GLS: variants seen among roughly 807,000 people sequenced by gnomAD.
The protein encoded by GLS is glutaminase, also known as glutaminase kidney isoform, mitochondrial.
GLS carries 36 observed loss-of-function variants against 86.7 expected under a neutral mutation model. The observed-to-expected ratio is 0.42, with a 90% CI of 0.32 to 0.55. GLS has a LOEUF of 0.55. Ranked by LOEUF, GLS falls within the 20% of genes least tolerant of loss-of-function variation. The pLI is 0.17. For synonymous variants in GLS, 317 were observed against 305.9 expected (o/e 1.04, Z -0.38); for missense variants, 528 against 833.4 (o/e 0.63, Z 4.51).
intron 11 of GLS, 149 bp from the exon 12 acceptor site, chr2:190,927,157 T>C (rs1290310486): frequency 3.0e-6 from 2 of 670,288 alleles, no homozygotes; most frequent in Non-Finnish European, 4.7e-6. Context: ...TCAACTAAAA[T>C]CTTCAGAATG....
chr2:190,934,961 A>G (rs971979591), intron 14 of GLS: 4 of 969,020 alleles, frequency 4.1e-6, no homozygotes, highest in Non-Finnish European at 4.9e-6. Context: ...AGTATTCTTA[A>G]CACCTTTTTA....
At chr2:190,942,915 G>A (rs965660713) in intron 14 of GLS, among the ~76,000 whole-genome samples, 3 of 152,166 alleles carry the variant, frequency 2.0e-5, no homozygotes, top group Admixed American at 6.5e-5. Flanking sequence ...TAGAAATCAC[G>A]CCTATCAACT....
At chr2:190,883,441 C>T (rs1014108510) in intron 1 of GLS, among the ~76,000 whole-genome samples, 4 of 152,296 alleles carry the variant, frequency 2.6e-5, no homozygotes, top group Admixed American at 2.6e-4. Flanking sequence ...CTAGCACTCA[C>T]TCAGGACTGT....
At chr2:190,900,385 A>AACT (rs1688897068) in intron 3 of GLS, among the ~76,000 whole-genome samples, 179 bp from the exon 4 acceptor site, 1 of 152,208 alleles carries the variant, frequency 6.6e-6, no homozygotes, top group Non-Finnish European at 1.5e-5. Context: ...GCTTACAAGC[A>AACT]ACTACTTGAA....
At chr2:190,901,550 A>G (rs1366903986) in intron 4 of GLS, among the ~76,000 whole-genome samples, 1 of 152,022 alleles carries the variant, frequency 6.6e-6, no homozygotes, top group East Asian at 1.9e-4. Flanking sequence ...AATACTTACT[A>G]CTTACTTTTA....
rs978343512 is a variant in GLS at position 190,943,984 on chromosome 2, G to A, written c.1651-9581G>A. 3.9e-5 allele frequency among the ~76,000 whole-genome samples: 6 copies of A among 152,148 alleles called. No individual in the cohort carries two copies. The highest frequency in any genetic ancestry group is 5.9e-5 in the Non-Finnish European group (4 of 68,020). Reference sequence around the variant, plus strand: ...AACTCAAGTCCATGTGCCTGGCTTTGTTATAGTAGCAGGATTTGAGGCATG... The same window carrying A: ...AACTCAAGTCCATGTGCCTGGCTTTATTATAGTAGCAGGATTTGAGGCATG... On this transcript the variant is annotated intron_variant, in intron 14 of 17. Transcript: ENST00000320717. This position sits in a 1 kb window ranked among gnomAD's most constrained non-coding sequence, Gnocchi z 4.5.
chr2:190,963,065 C>A lies in GLS; in HGVS notation c.*79C>A. ...TTATGAAGAACATGTGTATTTCTAT[C>A]TGGTAGTGATGTATATTTTACATTT... On this transcript the variant is annotated 3_prime_UTR_variant, in exon 18 of 18. Transcript: ENST00000320717. 1 of 1,009,752 alleles carries A rather than the reference C, an allele frequency of 9.9e-7. No homozygotes were observed. The highest frequency in any genetic ancestry group is 1.5e-6 in the Non-Finnish European group (1 of 686,940). The allele number at this position is 1,009,752 out of a possible 1,614,324, so 62.5% of individuals were successfully genotyped here.
Position 190,924,634 on chromosome 2 carries a change from C to T in GLS, c.1248+41C>T, listed in dbSNP as rs1035314668. On this transcript the variant is annotated intron_variant, in intron 11 of 17. Coordinates refer to ENST00000320717, the MANE Select transcript of GLS (RefSeq NM_014905.5). The surrounding 1 kb of genome is among the most constrained non-coding windows in gnomAD (Gnocchi z 5.2). ...AAATCGTATATATAAATGGATGTGTCGGCTGGGCACGGTGGCTCACGCCTG... is the reference window on the plus strand; with the variant it reads ...AAATCGTATATATAAATGGATGTGTTGGCTGGGCACGGTGGCTCACGCCTG... The T allele has an allele frequency of 2.7e-5, 29 of 1,089,268 alleles. No individual in the cohort carries two copies. Among genetic ancestry groups the T allele is most frequent in the African/African-American group, 6.2e-5 (4 of 64,984 alleles). 67.5% of individuals were successfully genotyped at this position (1,089,268 alleles called of 1,614,324 possible).
chr2:190,930,315 C>T lies in GLS; in HGVS notation c.1426-122C>T. On this transcript the variant is annotated intron_variant, in intron 12 of 17. Coordinates refer to ENST00000320717, the MANE Select transcript of GLS (RefSeq NM_014905.5). The surrounding 1 kb of genome is among the most constrained non-coding windows in gnomAD (Gnocchi z 5.0). ...TCAAGTGATCTGCTTGCCTTGGCCTCCCAAAGTGCTGAGATTACAGGAGTG... is the reference window on the plus strand; with the variant it reads ...TCAAGTGATCTGCTTGCCTTGGCCTTCCAAAGTGCTGAGATTACAGGAGTG... The T allele has an allele frequency of 1.4e-6, 1 of 711,730 alleles. No individual in the cohort carries two copies. Among genetic ancestry groups the T allele is most frequent in the Non-Finnish European group, 2.4e-6 (1 of 417,674 alleles). The allele number at this position is 711,730 out of a possible 1,614,324, so 44.1% of individuals were successfully genotyped here. A position where few individuals can be genotyped will look rare whatever the true frequency, so the allele number is the denominator to read the frequency against.
chr2:190,918,522 A>G (rs1166312689), intron 7 of GLS, among the ~76,000 whole-genome samples: 1 of 151,862 alleles, frequency 6.6e-6, no homozygotes, highest in East Asian at 1.9e-4. Context: ...TTTTATCTAG[A>G]CCACACAAAT....
At position 190,951,094 on chromosome 2, in the gene GLS, G is replaced by A. The variant is rs1210775482; in HGVS notation, c.1651-2471G>A. 2.0e-5 allele frequency among the ~76,000 whole-genome samples: 3 copies of A among 152,138 alleles called. No homozygotes were observed. The highest frequency in any genetic ancestry group is 7.2e-5 in the African/African-American group (3 of 41,424). On this transcript the variant is annotated intron_variant, in intron 14 of 17. Coordinates refer to ENST00000320717, the MANE Select transcript of GLS (RefSeq NM_014905.5). The surrounding 1 kb of genome is among the most constrained non-coding windows in gnomAD (Gnocchi z 4.2). ...CCAGAGGAATAGATGAATTCTTTGA[G>A]GGACATTATATTGAAAAACAAGAAG...
At chr2:190,936,354 T>C (rs535462638) in intron 14 of GLS, among the ~76,000 whole-genome samples, 1 of 151,304 alleles carries the variant, frequency 6.6e-6, no homozygotes, top group African/African-American at 2.4e-5. Context: ...CATATGTATA[T>C]ACGTTTGTGC....
chr2:190,882,754 A>T (rs1688246229), intron 1 of GLS, among the ~76,000 whole-genome samples: 1 of 152,238 alleles, frequency 6.6e-6, no homozygotes, highest in Non-Finnish European at 1.5e-5. Flanking sequence ...GTTTTGTGCC[A>T]CAAAATAGCG....
In GLS at chr2:190,943,617, A is replaced by G. The variant is rs1042767536; in HGVS notation, c.1651-9948A>G. ...TTCTAAATTTTTTTTAGATAGAACAATTGCTTTATTTTTTAGTGTCTTAAA... is the reference window on the plus strand; with the variant it reads ...TTCTAAATTTTTTTTAGATAGAACAGTTGCTTTATTTTTTAGTGTCTTAAA... On this transcript the variant is annotated intron_variant, in intron 14 of 17. Coordinates refer to ENST00000320717, the MANE Select transcript of GLS (RefSeq NM_014905.5). The surrounding 1 kb of genome is among the most constrained non-coding windows in gnomAD (Gnocchi z 4.5). Among the ~76,000 whole-genome samples, 18 of 152,186 alleles carry G rather than the reference A, an allele frequency of 1.2e-4. No homozygotes were observed. Among genetic ancestry groups the G allele is most frequent in the Non-Finnish European group, 1.5e-5 (1 of 68,012 alleles).
intron 1 of GLS, among the ~76,000 whole-genome samples, chr2:190,884,284 C>T (rs1285360381): frequency 6.6e-6 from 1 of 152,150 alleles, no homozygotes; most frequent in East Asian, 1.9e-4. Context: ...AATACTTCAC[C>T]TCTTAATCCA....
At position 190,923,904 on chromosome 2, in the gene GLS, TTTC is replaced by T. The variant is rs775465614; in HGVS notation, c.1131-6_1131-4del. The T allele has an allele frequency of 5.9e-5, 90 of 1,527,264 alleles. No homozygotes were observed. Among genetic ancestry groups the T allele is most frequent in the African/African-American group, 9.6e-5 (7 of 72,626 alleles). The allele number at this position is 1,527,264 out of a possible 1,614,324, so 94.6% of individuals were successfully genotyped here. On this transcript the variant is annotated splice_polypyrimidine_tract_variant and intron_variant, in intron 9 of 17. Coordinates refer to ENST00000320717, the MANE Select transcript of GLS (RefSeq NM_014905.5). ...AAAGTACATAGAGCAAATGTTTTTT[TTTC>T]TTCTTCCAGGTTTCAGTCTGAAAGA... is the stretch of plus-strand genomic sequence containing the variant.
chr2:190,917,948 C>T (rs1407047090), intron 7 of GLS, among the ~76,000 whole-genome samples: 1 of 151,972 alleles, frequency 6.6e-6, no homozygotes, highest in African/African-American at 2.4e-5. Flanking sequence ...TCTTTTTGAG[C>T]CGTAGGTTTC....
At chr2:190,910,356 A>G (rs753449016) in intron 7 of GLS, 35 bp downstream of exon 7, 2 of 1,251,674 alleles carry the variant, frequency 1.6e-6, no homozygotes, top group Non-Finnish European at 1.1e-6. Flanking sequence ...ACCTAGTAAA[A>G]CTTTTTTTTT....
rs1689843919 is a variant in GLS at position 190,924,664 on chromosome 2, C to T, written c.1248+71C>T. ...GGGCACGGTGGCTCACGCCTGTAAT[C>T]CCAGCACTTTGGGAGGCCAGGGCAG... On this transcript the variant is annotated intron_variant, in intron 11 of 17. Coordinates refer to ENST00000320717, the MANE Select transcript of GLS (RefSeq NM_014905.5). This position sits in a 1 kb window ranked among gnomAD's most constrained non-coding sequence, Gnocchi z 5.2. 1 of 849,598 alleles carries T rather than the reference C, an allele frequency of 1.2e-6. No individual in the cohort carries two copies. Among genetic ancestry groups the T allele is most frequent in the Admixed American group, 1.8e-5 (1 of 54,738 alleles). The allele number at this position is 849,598 out of a possible 1,614,324, so 52.6% of individuals were successfully genotyped here. A position where few individuals can be genotyped will look rare whatever the true frequency, so the allele number is the denominator to read the frequency against.
Sources: allele counts gnomAD v4.1 joint callset (sites outside exome capture counted in the v4.1 genomes callset), GRCh38; gene constraint gnomAD v4.1.1; non-coding constraint Gnocchi (gnomAD v3.1); transcripts MANE v1.5; gene names NCBI Gene and HGNC (gene_info 2026-07-23, HGNC 2026-07-21).